GPM6B: variants seen among roughly 807,000 people sequenced by gnomAD.
The protein encoded by GPM6B is neuronal membrane glycoprotein M6-b.
A neutral mutation model predicts 27.2 loss-of-function variants in GPM6B; 4 were observed. The ratio of observed to expected loss-of-function variants is 0.15; its 90% confidence interval spans 0.07 to 0.34. The LOEUF (loss-of-function observed/expected upper bound fraction) is 0.34, where lower values mean the gene tolerates loss of function less well. Ranked by LOEUF, GPM6B falls within the 10% of genes least tolerant of loss-of-function variation. The pLI is 1.00. For missense variants in GPM6B, 183 were observed against 261.9 expected (o/e 0.70, Z 2.08); for synonymous variants, 124 against 103.1 (o/e 1.20, Z -1.23).
intron 1 of GPM6B, among the ~76,000 whole-genome samples, chrX:13,909,505 G>A (rs762725084): frequency 2.5e-4 from 28 of 110,964 alleles, no homozygotes; most frequent in African/African-American, 6.8e-4. Flanking sequence ...AATTTATGTC[G>A]TTGCTGATGC....
intron 7 of GPM6B, among the ~76,000 whole-genome samples, chrX:13,775,550 C>T (rs747256185): frequency 1.8e-5 from 2 of 112,616 alleles, no homozygotes; most frequent in Non-Finnish European, 3.8e-5. Flanking sequence ...AAGAAGGTTG[C>T]AAACTGCCTG....
intron 1 of GPM6B, among the ~76,000 whole-genome samples, chrX:13,833,570 CT>C (rs1308175803): frequency 1.7e-5 from 1 of 58,526 alleles, no homozygotes. Context: ...AAAAAAAAAA[CT>C]AGAAAAAAAA....
chrX:13,937,337 C>T (rs1921888356), intron 1 of GPM6B, among the ~76,000 whole-genome samples: 1 of 111,587 alleles, frequency 9.0e-6, no homozygotes, highest in African/African-American at 3.3e-5. Context: ...CCCCTTTACT[C>T]CTCACCAAAA....
At chrX:13,774,584 A>C (rs146907196) in intron 7 of GPM6B, 9 of 1,208,493 alleles carry the variant, frequency 7.4e-6, no homozygotes, top group Non-Finnish European at 1.0e-5. Flanking sequence ...CTTAAACTTC[A>C]AAACCGCATA....
chrX:13,780,461 A>G (rs1482091966), intron 4 of GPM6B, among the ~76,000 whole-genome samples: 1 of 112,285 alleles, frequency 8.9e-6, no homozygotes, highest in African/African-American at 3.2e-5. Context: ...TTTTCGTAAC[A>G]GGTTGGCTCA....
chrX:13,841,735 A>C (rs754410195), intron 1 of GPM6B, among the ~76,000 whole-genome samples: 5 of 111,345 alleles, frequency 4.5e-5, no homozygotes, highest in Non-Finnish European at 7.5e-5. Context: ...GTCCAGAACT[A>C]ACACTTTCAT....
rs759835302 is a variant in GPM6B at position 13,783,485 on chromosome X, C to T, written c.405G>A (p.Ala135=). The change falls in exon 4 of 8, where the codon GCG becomes GCA. Residue 135 remains alanine, a synonymous_variant. Coordinates refer to ENST00000316715, the MANE Select transcript of GPM6B (RefSeq NM_001001995.3). The part of the protein sequence containing the change: ...QLMQYVIYGI[A]SFFFLYGIIL... ...TGATCCCATACAAGAAGAAAAAGGA[C>T]GCAATTCCATAGATGACATACTGCA... 1.2e-5 allele frequency: 15 copies of T among 1,203,031 alleles called. No homozygotes were observed. Among genetic ancestry groups the T allele is most frequent in the African/African-American group, 3.5e-5 (2 of 57,106 alleles).
intron 1 of GPM6B, among the ~76,000 whole-genome samples, chrX:13,878,347 A>T (rs2050061333): frequency 9.1e-6 from 1 of 109,504 alleles, no homozygotes; most frequent in Non-Finnish European, 1.9e-5. Context: ...ACCCAATGGG[A>T]AGGTGGGGGA....
chrX:13,930,968 G>C (rs1371643747), intron 1 of GPM6B, among the ~76,000 whole-genome samples: 1 of 111,672 alleles, frequency 9.0e-6, no homozygotes, highest in Non-Finnish European at 1.9e-5. Flanking sequence ...CAGATCACCT[G>C]AAGTCAGTAG....
At chrX:13,886,184 T>G (rs1454308389) in intron 1 of GPM6B, among the ~76,000 whole-genome samples, 1 of 112,012 alleles carries the variant, frequency 8.9e-6, no homozygotes, top group Non-Finnish European at 1.9e-5. Context: ...TTTCTACATA[T>G]GCAGGGATGC....
At position 13,779,970 on chromosome X, in the gene GPM6B, A is replaced by C; in HGVS notation, c.545T>G (p.Val182Gly). 8.4e-7 allele frequency: 1 copy of C among 1,192,168 alleles called. No homozygotes were observed. Among genetic ancestry groups the C allele is most frequent in the Non-Finnish European group, 1.1e-6 (1 of 880,818 alleles). ...ISGMFVFLTYVLGVAWLGVFG... is the reference protein window; with the variant it reads ...ISGMFVFLTYGLGVAWLGVFG... ...CACACCCAGCCAGGCCACTCCAAGC[A>C]CATAGGTGAGGAAAACGAACTAGGC... The change falls in exon 5 of 8, where the codon GTG becomes GGG. Residue 182 changes from valine to glycine, a missense_variant. Physicochemically the swap from Val to Gly is moderately radical, Grantham distance 109. Coordinates refer to ENST00000316715, the MANE Select transcript of GPM6B (RefSeq NM_001001995.3).
At chrX:13,815,829 T>C (rs1054098283) in intron 1 of GPM6B, among the ~76,000 whole-genome samples, 30 of 112,276 alleles carry the variant, frequency 2.7e-4, no homozygotes, top group Non-Finnish European at 1.5e-4. Flanking sequence ...TGTATCTTTA[T>C]AAATAAAACG....
chrX:13,859,521 T>A (rs1206609695), intron 1 of GPM6B, among the ~76,000 whole-genome samples: 1 of 111,536 alleles, frequency 9.0e-6, no homozygotes, highest in African/African-American at 3.3e-5. Flanking sequence ...TTATGAATCA[T>A]GCTGCCATGA....
At chrX:13,825,090 C>A (rs1479236570) in intron 1 of GPM6B, among the ~76,000 whole-genome samples, 8 of 111,853 alleles carry the variant, frequency 7.2e-5, no homozygotes, top group Admixed American at 6.6e-4. Flanking sequence ...CTGGGGCCTA[C>A]CCTCATTGAG....
intron 1 of GPM6B, among the ~76,000 whole-genome samples, chrX:13,907,693 T>C (rs914969275): frequency 8.9e-6 from 1 of 112,063 alleles, no homozygotes; most frequent in African/African-American, 3.2e-5. Flanking sequence ...AACAAACTTA[T>C]AGATTCAAAT....
At chrX:13,778,284 G>A (rs748352658) in intron 5 of GPM6B, among the ~76,000 whole-genome samples, 3 of 111,365 alleles carry the variant, frequency 2.7e-5, no homozygotes, top group Non-Finnish European at 5.7e-5. Context: ...TCCCGACCTC[G>A]TGATCCACCC....
intron 1 of GPM6B, among the ~76,000 whole-genome samples, chrX:13,904,140 T>C (rs1420204575): frequency 8.9e-6 from 1 of 111,762 alleles, no homozygotes; most frequent in Non-Finnish European, 1.9e-5. Flanking sequence ...AAAAACAAGT[T>C]TGAAATACAT....
chrX:13,780,112 G>A (rs776010301), intron 4 of GPM6B, 123 bp from the exon 5 acceptor site: 5 of 510,910 alleles, frequency 9.8e-6, no homozygotes, highest in Non-Finnish European at 1.5e-5. Context: ...GGGGACCCTC[G>A]CCCCGGCATT....
chrX:13,918,571 A>G (rs1435782591), intron 1 of GPM6B, among the ~76,000 whole-genome samples: 1 of 112,269 alleles, frequency 8.9e-6, no homozygotes, highest in African/African-American at 3.2e-5. Context: ...TTATTGTATT[A>G]GCCCATTCTC....
Sources: allele counts gnomAD v4.1 joint callset (sites outside exome capture counted in the v4.1 genomes callset), GRCh38; gene constraint gnomAD v4.1.1; transcripts MANE v1.5; gene names NCBI Gene and HGNC (gene_info 2026-07-23, HGNC 2026-07-21).